Variants in DCDC1 observed in about 807,000 individuals in gnomAD.
The protein encoded by DCDC1 is doublecortin domain-containing protein 1.
Under a neutral mutation model 178.3 loss-of-function variants are expected in DCDC1, and 200 were observed. The observed-to-expected ratio is 1.12, with a 90% confidence interval of 1.00 to 1.26. The LOEUF (loss-of-function observed/expected upper bound fraction) is 1.26. Ranked by LOEUF, DCDC1 falls within the 50% of genes most tolerant of loss-of-function variation. DCDC1 has a pLI of 0.00. For synonymous variants in DCDC1, 690 were observed against 604.8 expected (o/e 1.14, Z -2.07); for missense variants, 1,983 against 1,749.2 (o/e 1.13, Z -2.38).
chr11:31,260,251 A>G (rs1944692659), intron 8 of DCDC1, among the ~76,000 whole-genome samples: 1 of 152,214 alleles, frequency 6.6e-6, no homozygotes, highest in South Asian at 2.1e-4. Flanking sequence ...AAAAAGGTAC[A>G]ATAATTTGAT....
rs560864497 is a variant in DCDC1, at chr11:31,044,130, A to G, written c.2591+20339T>C. Among the ~76,000 whole-genome samples, 217 of 152,204 alleles carry G rather than the reference A, an allele frequency of 1.4e-3. 1 individual carries two copies. Among genetic ancestry groups the G allele is most frequent in the African/African-American group, 4.7e-3 (197 of 41,554 alleles). On this transcript the variant is annotated intron_variant, in intron 20 of 38. Coordinates refer to ENST00000684477, the MANE Select transcript of DCDC1 (RefSeq NM_001387274.1). ...ATAACCTACTTACATGAGTCCGTTT[A>G]AACACAGCGAGTTTTCACCAGTTGG...
chr11:30,961,744 T>C (rs559616359), intron 20 of DCDC1, among the ~76,000 whole-genome samples: 3 of 151,908 alleles, frequency 2.0e-5, no homozygotes, highest in Admixed American at 2.0e-4. Context: ...ACTCCATCTC[T>C]GAAAAAAAGG....
rs1167352958 is a variant in DCDC1 at position 31,127,676 on chromosome 11, G to A, written c.1315-37C>T. The A allele has an allele frequency of 4.3e-6, 3 of 694,772 alleles. No homozygotes were observed. In the Admixed American group the frequency reaches 6.1e-5, roughly 14 times the overall value. 43.0% of individuals were successfully genotyped at this position (694,772 alleles called of 1,614,324 possible). A position where few individuals can be genotyped will look rare whatever the true frequency, so the allele number is the denominator to read the frequency against. ...AAATTACAAGAGTTGTTAGCGAGAA[G>A]TAATTGTTGATGTCACACCTATTAG... On this transcript the variant is annotated intron_variant, in intron 10 of 38. Coordinates refer to ENST00000684477, the MANE Select transcript of DCDC1 (RefSeq NM_001387274.1).
At chr11:31,184,419 A>T (rs891965865) in intron 9 of DCDC1, among the ~76,000 whole-genome samples, 2 of 152,206 alleles carry the variant, frequency 1.3e-5, no homozygotes, top group Admixed American at 1.3e-4. Context: ...AATGACAACC[A>T]AAGTCAAAAT....
chr11:31,322,666 A>G (rs1468069936), intron 3 of DCDC1, among the ~76,000 whole-genome samples: 5 of 152,210 alleles, frequency 3.3e-5, no homozygotes, highest in Non-Finnish European at 7.3e-5. Context: ...TCTTGCAAGC[A>G]GGAGGGGTCA....
At chr11:31,083,428 G>C (rs551644420) in intron 17 of DCDC1, among the ~76,000 whole-genome samples, 1 of 152,254 alleles carries the variant, frequency 6.6e-6, no homozygotes, top group South Asian at 2.1e-4. Context: ...AAATTCAAAA[G>C]CTTTTATGGG....
At chr11:30,871,591 T>C (rs1941566582) in intron 38 of DCDC1, among the ~76,000 whole-genome samples, 1 of 152,178 alleles carries the variant, frequency 6.6e-6, no homozygotes, top group Non-Finnish European at 1.5e-5. Context: ...TATCTTTTTA[T>C]ATAGCACTGA....
intron 20 of DCDC1, among the ~76,000 whole-genome samples, chr11:31,022,464 T>C (rs1952936204): frequency 6.6e-6 from 1 of 151,942 alleles, no homozygotes. Flanking sequence ...AATATTCTAT[T>C]TCCACATGAG....
At chr11:31,270,820 C>T (rs1945497377) in intron 7 of DCDC1, among the ~76,000 whole-genome samples, 1 of 152,182 alleles carries the variant, frequency 6.6e-6, no homozygotes, top group Non-Finnish European at 1.5e-5. Context: ...AGTCATTCTT[C>T]CTCAATCTTA....
At chr11:31,241,697 A>G (rs1348754498) in intron 8 of DCDC1, 81 bp from the exon 9 acceptor site, 2 of 393,280 alleles carry the variant, frequency 5.1e-6, no homozygotes, top group African/African-American at 4.1e-5. Context: ...CCCCAATACC[A>G]GAGCTAACTC....
chr11:31,238,967 A>G (rs1976781688), intron 9 of DCDC1, among the ~76,000 whole-genome samples: 1 of 152,114 alleles, frequency 6.6e-6, no homozygotes, highest in Admixed American at 6.6e-5. Flanking sequence ...TAAAACCAGT[A>G]GCCCTGACTT....
rs11031233 is a variant in DCDC1, at chr11:30,881,076, G to T, written c.5233+82C>A. 7,289 of 1,451,900 alleles carry T rather than the reference G, an allele frequency of 5.0e-3. 242 individuals carry two copies. The African/African-American group carries it at 0.085, about 17-fold the overall frequency. The allele number at this position is 1,451,900 out of a possible 1,614,324, so 89.9% of individuals were successfully genotyped here. On this transcript the variant is annotated intron_variant, in intron 37 of 38. Coordinates refer to ENST00000684477, the MANE Select transcript of DCDC1 (RefSeq NM_001387274.1). ...GGGGATAATTATTAAAAATCATTGT[G>T]ATGGGATATAAGCTCTTCCAAGAGA...
At chr11:30,994,666 T>C (rs1951157589) in intron 20 of DCDC1, among the ~76,000 whole-genome samples, 1 of 145,308 alleles carries the variant, frequency 6.9e-6, no homozygotes, top group Non-Finnish European at 1.5e-5. Context: ...TATTATTATA[T>C]AATATATAAT....
intron 10 of DCDC1, among the ~76,000 whole-genome samples, chr11:31,129,308 C>T (rs1362234089): frequency 6.6e-6 from 1 of 152,110 alleles, no homozygotes; most frequent in Admixed American, 6.5e-5. Flanking sequence ...TAAAATGATT[C>T]CTATTTTACT....
At chr11:31,150,826 G>C (rs752235347) in intron 9 of DCDC1, among the ~76,000 whole-genome samples, 6 of 152,014 alleles carry the variant, frequency 3.9e-5, no homozygotes, top group Non-Finnish European at 8.8e-5. Context: ...TAGACAAAAG[G>C]AGATAAACTA....
chr11:31,311,550 C>T (rs1431659395), intron 3 of DCDC1, among the ~76,000 whole-genome samples: 1 of 152,192 alleles, frequency 6.6e-6, no homozygotes, highest in Non-Finnish European at 1.5e-5. Flanking sequence ...TAGTTTTTCA[C>T]TTCTAATCAC....
intron 36 of DCDC1, among the ~76,000 whole-genome samples, chr11:30,890,919 A>G (rs1943716948): frequency 6.6e-6 from 1 of 152,188 alleles, no homozygotes; most frequent in Admixed American, 6.5e-5. Context: ...CTCATAATCT[A>G]GCTCTGTTAG....
chr11:31,000,356 G>A (rs1951502572), intron 20 of DCDC1, among the ~76,000 whole-genome samples: 1 of 152,088 alleles, frequency 6.6e-6, no homozygotes, highest in African/African-American at 2.4e-5. Context: ...GGGCTGCTAT[G>A]ACTCCACAAT....
chr11:31,147,865 G>C (rs1298985822), intron 9 of DCDC1, among the ~76,000 whole-genome samples: 3 of 152,212 alleles, frequency 2.0e-5, no homozygotes, highest in Admixed American at 6.5e-5. Flanking sequence ...CTAAGGGACA[G>C]TCTCTTTACA....
Sources: gnomAD v4.1 joint callset for allele counts (sites outside exome capture counted in the v4.1 genomes callset) on GRCh38, gnomAD v4.1.1 for gene constraint, MANE v1.5 for transcripts, NCBI Gene and HGNC (gene_info 2026-07-23, HGNC 2026-07-21) for gene names.